The following MBP variants were observed in gnomAD, a reference collection of about 807,000 sequenced individuals.
MBP encodes the protein myelin basic protein.
A neutral mutation model predicts 35.8 loss-of-function variants in MBP; 16 were observed. The ratio of observed to expected loss-of-function variants is 0.45; its 90% CI spans 0.30 to 0.68. The LOEUF is 0.68. Ranked by LOEUF, MBP falls within the 30% of genes least tolerant of loss-of-function variation. The pLI is 0.08. For missense variants in MBP, 380 were observed against 404.7 expected (o/e 0.94, Z 0.52); for synonymous variants, 143 against 159.6 (o/e 0.90, Z 0.78).
At chr18:76,997,660 G>A (rs557839055) in intron 4 of MBP, among the ~76,000 whole-genome samples, 3 of 152,298 alleles carry the variant, frequency 2.0e-5, no homozygotes, top group South Asian at 2.1e-4. Context: ...TGCGTGGCCC[G>A]CGTGGACGGA....
intron 3 of MBP, among the ~76,000 whole-genome samples, chr18:77,053,327 CA>C (rs1234724346): frequency 6.6e-6 from 1 of 152,264 alleles, no homozygotes; most frequent in Non-Finnish European, 1.5e-5. Context: ...TGGACATTTG[CA>C]CACTCAGCTG....
chr18:77,070,376 T>C lies in MBP; in HGVS notation c.52-3991A>G, dbSNP rs1010662576. 1.3e-5 allele frequency among the ~76,000 whole-genome samples: 2 copies of C among 152,356 alleles called. 1 individual carries two copies. Among genetic ancestry groups the C allele is most frequent in the African/African-American group, 4.8e-5 (2 of 41,582 alleles). ...GCCTAAATATGTGGGAGCTGACCTA[T>C]GTAAGAATCTGTTTCTTATCCATAA... is the stretch of plus-strand genomic sequence containing the variant. On this transcript the variant is annotated intron_variant, in intron 2 of 8. Transcript: ENST00000355994.
intron 3 of MBP, among the ~76,000 whole-genome samples, chr18:77,046,591 GGCA>G (rs1973267532): frequency 6.6e-6 from 1 of 152,214 alleles, no homozygotes; most frequent in African/African-American, 2.4e-5. Context: ...CCTCTGGTCT[GGCA>G]GCTGCAGGGG....
chr18:77,052,166 G>A lies in MBP; in HGVS notation c.139+14132C>T, dbSNP rs547297288. On this transcript the variant is annotated intron_variant, in intron 3 of 8. Coordinates refer to ENST00000355994, the MANE Select transcript of MBP (RefSeq NM_001025101.2). The stretch of plus-strand genomic sequence containing the variant: ...CGACCAGGAACGGGGGAAGGAGCGG[G>A]GCGATCCAACAGCCACACAACAGAG... 1.7e-3 allele frequency among the ~76,000 whole-genome samples: 266 copies of A among 152,254 alleles called. 2 individuals carry two copies. Among genetic ancestry groups the A allele is most frequent in the African/African-American group, 5.8e-3 (242 of 41,540 alleles).
Position 77,131,083 on chromosome 18 carries a change from GCGCACACACACA to G in MBP, c.-26+1485_-26+1496del, listed in dbSNP as rs1211225931. ...AAAACACACACACGCGCGCACGCAC[GCGCACACACACA>G]CACACACACACACACACACACACAC... On this transcript the variant is annotated intron_variant, in intron 1 of 8. Transcript: ENST00000355994. The surrounding 1 kb of genome is among the most constrained non-coding windows in gnomAD (Gnocchi z 5.5). Among the ~76,000 whole-genome samples, 64 of 43,694 alleles carry G rather than the reference GCGCACACACACA, an allele frequency of 1.5e-3. 1 individual carries two copies. The highest frequency in any genetic ancestry group is 2.6e-3 in the Non-Finnish European group (45 of 17,214). The allele number at this position is 43,694 out of a possible 152,430, so 28.7% of individuals were successfully genotyped here.
chr18:77,110,334 C>T (rs938937552), intron 1 of MBP: 4 of 152,220 alleles, frequency 2.6e-5, no homozygotes, highest in African/African-American at 9.7e-5. Context: ...CCATCAGCAC[C>T]TGAGAACTTC....
chr18:77,105,132 G>A lies in MBP; in HGVS notation c.51+79C>T, dbSNP rs778408840. On this transcript the variant is annotated intron_variant, in intron 2 of 8. Transcript: ENST00000355994. Reference sequence around the variant, plus strand: ...AGTGTAGCAGCAAGAGCCCATGCCCGTAGCCTCTGACACACCAAGGGGATT... The same window carrying A: ...AGTGTAGCAGCAAGAGCCCATGCCCATAGCCTCTGACACACCAAGGGGATT... 3.4e-5 allele frequency: 47 copies of A among 1,384,096 alleles called. No individual in the cohort carries two copies. In the Middle Eastern group the frequency reaches 9.0e-4, roughly 26 times the overall value. 85.7% of individuals were successfully genotyped at this position (1,384,096 alleles called of 1,614,324 possible).
chr18:77,045,234 T>C (rs542066365), intron 3 of MBP, among the ~76,000 whole-genome samples: 2 of 152,320 alleles, frequency 1.3e-5, no homozygotes, highest in Admixed American at 6.5e-5. Context: ...ACCATGTAAA[T>C]GTTACAGCCC....
At position 77,120,665 on chromosome 18, in the gene MBP, A is replaced by G. The variant is rs1371664558; in HGVS notation, c.-26+11915T>C. 2.0e-5 allele frequency among the ~76,000 whole-genome samples: 3 copies of G among 152,222 alleles called. No individual in the cohort carries two copies. The East Asian group carries it at 5.8e-4, about 29-fold the overall frequency. On this transcript the variant is annotated intron_variant, in intron 1 of 8. Transcript: ENST00000355994. ...AGAAAATTCCAGAGAGAGTGGCAAG[A>G]AAAGTTCACCCGAGAAAAGGATGGG...
chr18:77,074,620 G>A (rs35122022), intron 2 of MBP, among the ~76,000 whole-genome samples: 7,957 of 152,174 alleles, frequency 0.052, 285 homozygotes, highest in East Asian at 0.11. Flanking sequence ...GAGTGGTGGG[G>A]TCAAAGGAAA....
chr18:77,119,410 A>AG (rs1342709043), intron 1 of MBP, among the ~76,000 whole-genome samples: 1 of 152,150 alleles, frequency 6.6e-6, no homozygotes, highest in Non-Finnish European at 1.5e-5. Flanking sequence ...AGCACACAGC[A>AG]GGCACATGGT....
At chr18:77,047,962 A>G (rs1973323167) in intron 3 of MBP, among the ~76,000 whole-genome samples, 1 of 152,220 alleles carries the variant, frequency 6.6e-6, no homozygotes. Context: ...ACTAAGACCA[A>G]TTCACCCCAA....
chr18:77,014,798 GTTATTA>G lies in MBP; in HGVS notation c.576+2028_576+2033del, dbSNP rs537611143. ...CTGCTCTGTGATCACACGTGCAAAT[GTTATTA>G]TTATTATTTTTTGCCTTTGGCATCA... On this transcript the variant is annotated intron_variant, in intron 4 of 8. Transcript: ENST00000355994. The G allele has an allele frequency of 7.7e-5, 76 of 985,238 alleles. No homozygotes were observed. In the South Asian group the frequency reaches 1.9e-3, roughly 25 times the overall value. The allele number at this position is 985,238 out of a possible 1,614,324, so 61.0% of individuals were successfully genotyped here.
intron 4 of MBP, among the ~76,000 whole-genome samples, chr18:76,996,355 T>A (rs1397981519): frequency 6.6e-6 from 1 of 152,160 alleles, no homozygotes; most frequent in Non-Finnish European, 1.5e-5. Context: ...TGGCCACCAA[T>A]CTTTTGAGGG....
At chr18:76,997,321 G>C (rs528851550) in intron 4 of MBP, among the ~76,000 whole-genome samples, 18 of 152,350 alleles carry the variant, frequency 1.2e-4, no homozygotes, top group African/African-American at 4.3e-4. Flanking sequence ...CAGGGAGCTG[G>C]GAAGCTCCAG....
intron 4 of MBP, among the ~76,000 whole-genome samples, chr18:76,991,342 G>C (rs999608600): frequency 6.6e-6 from 1 of 152,204 alleles, no homozygotes; most frequent in Admixed American, 6.5e-5. Flanking sequence ...CACTGCGAGA[G>C]GTTAGCTCAC....
At chr18:77,080,510 G>C (rs1974847411) in intron 2 of MBP, among the ~76,000 whole-genome samples, 1 of 152,172 alleles carries the variant, frequency 6.6e-6, no homozygotes, top group South Asian at 2.1e-4. Context: ...ACCCTGCGTT[G>C]ACAACCAGAC....
At position 76,988,089 on chromosome 18, in the gene MBP, G is replaced by T; in HGVS notation, c.750+406C>A. The stretch of plus-strand genomic sequence containing the variant: ...CATTTTCCCAGTGTCAGCATCTGGG[G>T]TCACTGAGACGGGCCAGCCAGTCCC... On this transcript the variant is annotated intron_variant, in intron 7 of 8. Transcript: ENST00000355994. The surrounding 1 kb of genome is among the most constrained non-coding windows in gnomAD (Gnocchi z 5.2). The T allele has an allele frequency of 1.3e-6, 2 of 1,487,456 alleles. No individual in the cohort carries two copies. The highest frequency in any genetic ancestry group is 1.8e-6 in the Non-Finnish European group (2 of 1,120,058). The allele number at this position is 1,487,456 out of a possible 1,614,324, so 92.1% of individuals were successfully genotyped here.
At chr18:77,015,574 G>A in intron 4 of MBP, 2 of 985,392 alleles carry the variant, frequency 2.0e-6, no homozygotes, top group African/African-American at 3.5e-5. Context: ...CACACAAAAT[G>A]TCATTTACAA....
Sources: gnomAD v4.1 joint callset for allele counts (sites outside exome capture counted in the v4.1 genomes callset) on GRCh38, gnomAD v4.1.1 for gene constraint, Gnocchi (gnomAD v3.1) non-coding constraint, MANE v1.5 for transcripts, NCBI Gene and HGNC (gene_info 2026-07-23, HGNC 2026-07-21) for gene names.